ZNF277: variants seen among roughly 807,000 people sequenced by gnomAD.
The protein encoded by ZNF277 is nuclear receptor-interacting factor 4.
Under a neutral mutation model 60.7 loss-of-function variants are expected in ZNF277, and 55 were observed. The ratio of observed to expected loss-of-function variants is 0.91; its 90% CI spans 0.73 to 1.13. The LOEUF (loss-of-function observed/expected upper bound fraction) is 1.13. ZNF277 is among the 50% of genes most tolerant of loss of function. The pLI is 0.00. For synonymous variants in ZNF277, 178 were observed against 179.3 expected (o/e 0.99, Z 0.06); for missense variants, 510 against 523.0 (o/e 0.98, Z 0.24).
At chr7:112,243,179 C>T (rs1790999992) in intron 1 of ZNF277, among the ~76,000 whole-genome samples, 1 of 151,916 alleles carries the variant, frequency 6.6e-6, no homozygotes, top group Non-Finnish European at 1.5e-5. Flanking sequence ...AAAATTAACT[C>T]AACATGGATT....
At chr7:112,278,566 A>C (rs1284006496) in intron 1 of ZNF277, among the ~76,000 whole-genome samples, 4 of 152,156 alleles carry the variant, frequency 2.6e-5, no homozygotes, top group African/African-American at 9.7e-5. Flanking sequence ...TAACACTTAG[A>C]ACAACTCTGT....
intron 1 of ZNF277, among the ~76,000 whole-genome samples, chr7:112,248,491 T>G (rs75709040): frequency 6.6e-6 from 1 of 152,240 alleles, no homozygotes; most frequent in East Asian, 1.9e-4. Flanking sequence ...CTTTAATTTT[T>G]CCAATTATAA....
At chr7:112,221,000 G>A (rs893826772) in intron 1 of ZNF277, among the ~76,000 whole-genome samples, 3 of 152,010 alleles carry the variant, frequency 2.0e-5, no homozygotes, top group African/African-American at 4.8e-5. Context: ...GTTTGTTACC[G>A]CTCGAGCTGA....
chr7:112,335,787 C>T (rs897754025), intron 7 of ZNF277, among the ~76,000 whole-genome samples: 14 of 152,230 alleles, frequency 9.2e-5, no homozygotes, highest in African/African-American at 3.1e-4. Context: ...TTCTAATACT[C>T]ATTCAGGGTT....
intron 7 of ZNF277, among the ~76,000 whole-genome samples, chr7:112,334,535 A>G (rs1159954563): frequency 6.6e-6 from 1 of 151,938 alleles, no homozygotes; most frequent in African/African-American, 2.4e-5. Flanking sequence ...ACTGATAAAC[A>G]TGTACATTCA....
intron 4 of ZNF277, among the ~76,000 whole-genome samples, chr7:112,309,326 A>T (rs28563007): frequency 0.059 from 8,985 of 152,048 alleles, 723 homozygotes; most frequent in African/African-American, 0.18. Context: ...ATAACCAACG[A>T]ATACTTACAA....
At chr7:112,225,411 CATGACCTCTA>C (rs1451848177) in intron 1 of ZNF277, among the ~76,000 whole-genome samples, 2 of 152,214 alleles carry the variant, frequency 1.3e-5, no homozygotes, top group Non-Finnish European at 1.5e-5. Flanking sequence ...CTTTCTTTTT[CATGACCTCTA>C]AAGTACAAGG....
chr7:112,312,987 T>C (rs1312019411), intron 4 of ZNF277, among the ~76,000 whole-genome samples: 1 of 152,104 alleles, frequency 6.6e-6, no homozygotes, highest in Non-Finnish European at 1.5e-5. Context: ...CAAAAGTATA[T>C]GTTATATCTT....
At chr7:112,342,157 A>C (rs765570762) in intron 11 of ZNF277, among the ~76,000 whole-genome samples, 3 of 152,198 alleles carry the variant, frequency 2.0e-5, no homozygotes, top group Non-Finnish European at 2.9e-5. Flanking sequence ...CTTTGAGTAG[A>C]AATGAGAAAG....
At chr7:112,291,607 C>G (rs1205253205) in intron 2 of ZNF277, among the ~76,000 whole-genome samples, 2 of 150,958 alleles carry the variant, frequency 1.3e-5, no homozygotes. Flanking sequence ...TAAATTTGAA[C>G]AGTGTTCTAG....
At chr7:112,219,643 C>G (rs1821974443) in intron 1 of ZNF277, among the ~76,000 whole-genome samples, 1 of 152,174 alleles carries the variant, frequency 6.6e-6, no homozygotes. Flanking sequence ...TAGAGTCTCA[C>G]TCTATTATTG....
chr7:112,241,492 C>T (rs1181194458), intron 1 of ZNF277, among the ~76,000 whole-genome samples: 1 of 152,058 alleles, frequency 6.6e-6, no homozygotes, highest in Non-Finnish European at 1.5e-5. Flanking sequence ...CAATCCTGCT[C>T]CTAGGTGTAT....
chr7:112,217,937 A>G (rs554389093), intron 1 of ZNF277, among the ~76,000 whole-genome samples: 3 of 152,158 alleles, frequency 2.0e-5, no homozygotes, highest in Non-Finnish European at 4.4e-5. Context: ...GACTTAGCGC[A>G]AGAAGACAAG....
intron 1 of ZNF277, among the ~76,000 whole-genome samples, chr7:112,221,117 CTGAT>C (rs1822018241): frequency 6.6e-6 from 1 of 152,192 alleles, no homozygotes; most frequent in African/African-American, 2.4e-5. Context: ...TGCTGGGCTC[CTGAT>C]CCAGCGAGGT....
chr7:112,298,975 C>T (rs1378153422), intron 4 of ZNF277, among the ~76,000 whole-genome samples: 1 of 152,100 alleles, frequency 6.6e-6, no homozygotes, highest in Non-Finnish European at 1.5e-5. Flanking sequence ...CCTGGGTGCT[C>T]ATGGTCTGAC....
intron 1 of ZNF277, among the ~76,000 whole-genome samples, chr7:112,215,951 C>T (rs915915963): frequency 6.6e-6 from 1 of 152,168 alleles, no homozygotes; most frequent in Non-Finnish European, 1.5e-5. Context: ...ACCCGCTAAT[C>T]GTAATTACCA....
intron 9 of ZNF277, 114 bp from the exon 10 acceptor site, chr7:112,339,729 G>T (rs891956995): frequency 5.8e-6 from 6 of 1,026,304 alleles, no homozygotes; most frequent in South Asian, 1.5e-5. Context: ...AGAAGATACC[G>T]AACTCAGACT....
rs1042179034 is a variant in ZNF277, at chr7:112,279,470, C to A, written c.92-7403C>A. On this transcript the variant is annotated intron_variant, in intron 1 of 11. Transcript: ENST00000361822. The stretch of plus-strand genomic sequence containing the variant: ...TGGTGATTAGCACCTTTTCATATAC[C>A]TGTTGGATGTTCGTATGTCTTCTTT... Among the ~76,000 whole-genome samples the A allele has an allele frequency of 4.6e-5, 7 of 152,110 alleles. No homozygotes were observed. The East Asian group carries it at 1.4e-3, about 29-fold the overall frequency.
At chr7:112,300,880 C>A (rs1792456720) in intron 4 of ZNF277, among the ~76,000 whole-genome samples, 1 of 152,040 alleles carries the variant, frequency 6.6e-6, no homozygotes, top group African/African-American at 2.4e-5. Context: ...ATATCTAAGT[C>A]ATTTGTCAAA....
Sources: allele counts gnomAD v4.1 joint callset (sites outside exome capture counted in the v4.1 genomes callset), GRCh38; gene constraint gnomAD v4.1.1; transcripts MANE v1.5; gene names NCBI Gene and HGNC (gene_info 2026-07-23, HGNC 2026-07-21).